The following TAFA1 variants were observed in gnomAD, a reference collection of about 807,000 sequenced individuals.
TAFA1 encodes the protein TAFA chemokine like family member 1.
In TAFA1, 4 loss-of-function variants were observed where a neutral mutation model predicts 18.5. The ratio of observed to expected loss-of-function variants is 0.22; its 90% CI spans 0.11 to 0.49. The LOEUF (loss-of-function observed/expected upper bound fraction) is 0.49, where lower values mean the gene tolerates loss of function less well. TAFA1 is among the 20% of genes least tolerant of loss of function. TAFA1 has a pLI of 0.98. For synonymous variants in TAFA1, 56 were observed against 55.2 expected (o/e 1.01, Z -0.06); for missense variants, 147 against 169.0 (o/e 0.87, Z 0.72).
At chr3:68,186,109 T>C (rs905601269) in intron 2 of TAFA1, among the ~76,000 whole-genome samples, 2 of 151,990 alleles carry the variant, frequency 1.3e-5, no homozygotes, top group African/African-American at 4.8e-5. Context: ...AAAAACAACT[T>C]TCTCATTGTG....
At chr3:68,072,599 T>C (rs1298954922) in intron 2 of TAFA1, among the ~76,000 whole-genome samples, 1 of 152,168 alleles carries the variant, frequency 6.6e-6, no homozygotes, top group Non-Finnish European at 1.5e-5. Flanking sequence ...AATAGGCACG[T>C]CCTGATTTTA....
intron 2 of TAFA1, chr3:68,247,219 C>T (rs1471603868): frequency 6.6e-6 from 1 of 152,156 alleles, no homozygotes; most frequent in Non-Finnish European, 1.5e-5. Flanking sequence ...CAGATACTAA[C>T]TAAATCTCTT....
At chr3:68,498,943 C>A (rs1307900282) in intron 3 of TAFA1, among the ~76,000 whole-genome samples, 1 of 151,942 alleles carries the variant, frequency 6.6e-6, no homozygotes, top group Non-Finnish European at 1.5e-5. Context: ...CTGTCTCCAG[C>A]AAAAGGGATT....
chr3:68,466,848 C>T (rs2071895339), intron 3 of TAFA1, among the ~76,000 whole-genome samples: 1 of 151,956 alleles, frequency 6.6e-6, no homozygotes, highest in African/African-American at 2.4e-5. Context: ...GGAAAGAGTA[C>T]AAAAAATAGA....
intron 2 of TAFA1, among the ~76,000 whole-genome samples, chr3:68,264,162 C>T (rs139851615): frequency 1.3e-4 from 20 of 152,002 alleles, no homozygotes; most frequent in African/African-American, 4.6e-4. Context: ...CCCAGCGATT[C>T]GGGAGGCTGA....
At chr3:68,201,509 C>T (rs943673309) in intron 2 of TAFA1, among the ~76,000 whole-genome samples, 13 of 151,648 alleles carry the variant, frequency 8.6e-5, no homozygotes, top group African/African-American at 3.1e-4. Flanking sequence ...ATGGATTCAT[C>T]TATTTCTCTT....
At chr3:68,364,562 T>C (rs2069530594) in intron 2 of TAFA1, among the ~76,000 whole-genome samples, 1 of 152,230 alleles carries the variant, frequency 6.6e-6, no homozygotes, top group African/African-American at 2.4e-5. Flanking sequence ...TAGAGGAACG[T>C]ATTTATCTTA....
intron 2 of TAFA1, among the ~76,000 whole-genome samples, chr3:68,033,047 T>C (rs1436071016): frequency 6.6e-6 from 1 of 152,092 alleles, no homozygotes; most frequent in African/African-American, 2.4e-5. Flanking sequence ...TGAAGGAAAA[T>C]ATATATACTC....
chr3:68,088,581 C>T (rs971968481), intron 2 of TAFA1, among the ~76,000 whole-genome samples: 2 of 152,124 alleles, frequency 1.3e-5, no homozygotes, highest in African/African-American at 4.8e-5. Flanking sequence ...AATTTTGAAC[C>T]TGTGCGTTTT....
chr3:68,461,022 C>T (rs2071767076), intron 3 of TAFA1, among the ~76,000 whole-genome samples: 1 of 152,106 alleles, frequency 6.6e-6, no homozygotes, highest in Non-Finnish European at 1.5e-5. Flanking sequence ...TGGCTCATGC[C>T]TGTAATCCCA....
intron 3 of TAFA1, among the ~76,000 whole-genome samples, chr3:68,493,076 G>A (rs1204205622): frequency 6.6e-6 from 1 of 151,998 alleles, no homozygotes; most frequent in Non-Finnish European, 1.5e-5. Context: ...ATATTGTTGT[G>A]CAAATCATCT....
chr3:68,421,940 G>A (rs540188467), intron 3 of TAFA1, among the ~76,000 whole-genome samples: 292 of 152,124 alleles, frequency 1.9e-3, no homozygotes, highest in Non-Finnish European at 3.2e-3. Context: ...ATACTGGTAA[G>A]TCATCTTCAG....
intron 2 of TAFA1, among the ~76,000 whole-genome samples, chr3:68,265,010 A>G (rs1447940884): frequency 2.0e-5 from 3 of 152,174 alleles, no homozygotes; most frequent in Non-Finnish European, 2.9e-5. Flanking sequence ...GTGAAAATGT[A>G]TGCAAAAATT....
At chr3:68,268,622 C>A (rs997956474) in intron 2 of TAFA1, among the ~76,000 whole-genome samples, 2 of 152,144 alleles carry the variant, frequency 1.3e-5, no homozygotes, top group East Asian at 3.9e-4. Flanking sequence ...AGAGACCAGG[C>A]ACCCTGACAC....
chr3:68,502,169 C>A (rs2072668793), intron 3 of TAFA1, among the ~76,000 whole-genome samples: 1 of 152,100 alleles, frequency 6.6e-6, no homozygotes, highest in African/African-American at 2.4e-5. Context: ...GAGTAATAAT[C>A]ATGATATAAT....
intron 2 of TAFA1, among the ~76,000 whole-genome samples, chr3:68,384,188 C>T (rs1198354102): frequency 6.6e-6 from 1 of 151,918 alleles, no homozygotes; most frequent in African/African-American, 2.4e-5. Context: ...TTCAGTTCAG[C>T]TCTAATTTCG....
intron 2 of TAFA1, among the ~76,000 whole-genome samples, chr3:68,217,262 T>C (rs1177714138): frequency 6.6e-6 from 1 of 152,046 alleles, no homozygotes; most frequent in African/African-American, 2.4e-5. Flanking sequence ...ACCCTTGATA[T>C]AGTGAAATAA....
chr3:67,995,639 C>A, the TAFA1 span, among the ~76,000 whole-genome samples: 4 of 152,038 alleles, frequency 2.6e-5, no homozygotes, highest in East Asian at 7.7e-4. Context: ...GGGTGGAAAC[C>A]AAGAGTAGGG....
chr3:68,153,997 T>A (rs945946449), intron 2 of TAFA1, among the ~76,000 whole-genome samples: 2 of 152,168 alleles, frequency 1.3e-5, no homozygotes, highest in Admixed American at 6.5e-5. Flanking sequence ...AGGCCTTTTA[T>A]TAGTAAGAGT....
Sources: allele counts gnomAD v4.1 joint callset (sites outside exome capture counted in the v4.1 genomes callset), GRCh38; gene constraint gnomAD v4.1.1; transcripts MANE v1.5; gene names NCBI Gene and HGNC (gene_info 2026-07-23, HGNC 2026-07-21).